DAAM1: variants seen among roughly 807,000 people sequenced by gnomAD.
DAAM1 encodes disheveled-associated activator of morphogenesis 1.
Under a neutral mutation model 130.0 loss-of-function variants are expected in DAAM1, and 52 were observed. That is an observed-to-expected ratio of 0.40 (90% confidence interval 0.32 to 0.50). The LOEUF is 0.50. DAAM1 is among the 20% of genes least tolerant of loss of function. The pLI is 0.61. For synonymous variants in DAAM1, 452 were observed against 444.5 expected, an observed-to-expected ratio of 1.02 and a Z score of -0.21; for missense variants, 1,134 against 1,303.8, an observed-to-expected ratio of 0.87 and a Z score of 2.01.
Position 59,369,053 on chromosome 14 carries a change from G to A in DAAM1, c.*194G>A. 7.0e-6 allele frequency: 4 copies of A among 568,524 alleles called. No homozygotes were observed. The highest frequency in any genetic ancestry group is 1.2e-5 in the Non-Finnish European group (4 of 324,488). 35.2% of individuals were successfully genotyped at this position (568,524 alleles called of 1,614,324 possible). A position where few individuals can be genotyped will look rare whatever the true frequency, so the allele number is the denominator to read the frequency against. Reference sequence around the variant, plus strand: ...TATATAGATGTCTGAGTGTTGTCTGGAGACCTATACGTATGGTTAAAAAGA... The same window carrying A: ...TATATAGATGTCTGAGTGTTGTCTGAAGACCTATACGTATGGTTAAAAAGA... On this transcript the variant is annotated 3_prime_UTR_variant, in exon 25 of 25. Coordinates refer to ENST00000360909, the MANE Select transcript of DAAM1 (RefSeq NM_001270520.2).
intron 21 of DAAM1, among the ~76,000 whole-genome samples, chr14:59,360,251 C>T (rs1263829575): frequency 6.6e-6 from 1 of 152,044 alleles, no homozygotes; most frequent in African/African-American, 2.4e-5. Context: ...ATGGGAGAAG[C>T]CCAAGAACCT....
chr14:59,353,971 T>A lies in DAAM1; in HGVS notation c.2356+7T>A, dbSNP rs1359404962. 6.2e-7 allele frequency: 1 copy of A among 1,612,764 alleles called. No homozygotes were observed. The highest frequency in any genetic ancestry group is 1.7e-5 in the Admixed American group (1 of 59,996). ...GTGAAACCTAAAGTGGAAGGTAAAG[T>A]CAAGCTGTCTAGATTGGAAATGATG... On this transcript the variant is annotated splice_region_variant and intron_variant, in intron 19 of 24. Coordinates refer to ENST00000360909, the MANE Select transcript of DAAM1 (RefSeq NM_001270520.2).
intron 16 of DAAM1, among the ~76,000 whole-genome samples, chr14:59,346,940 A>G (rs574753220): frequency 6.6e-6 from 1 of 152,332 alleles, no homozygotes; most frequent in East Asian, 1.9e-4. Flanking sequence ...TTAGCAATCA[A>G]GAGTCGTGGG....
chr14:59,282,206 C>G (rs897655456), intron 2 of DAAM1, among the ~76,000 whole-genome samples: 1 of 152,068 alleles, frequency 6.6e-6, no homozygotes, highest in Non-Finnish European at 1.5e-5. Flanking sequence ...CCGTAAAAAA[C>G]CCTCATTGCT....
chr14:59,366,024 TTGTTACTGTATACATATATTTTTA>T (rs755174442), intron 23 of DAAM1, among the ~76,000 whole-genome samples: 1 of 151,794 alleles, frequency 6.6e-6, no homozygotes, highest in Non-Finnish European at 1.5e-5. Context: ...GGATATACTA[TTGTTACTGTATACATATATTTTTA>T]TTTAACTTTA....
chr14:59,204,043 C>G (rs1888190084), intron 1 of DAAM1, among the ~76,000 whole-genome samples: 1 of 152,236 alleles, frequency 6.6e-6, no homozygotes, highest in African/African-American at 2.4e-5. Context: ...GATCATAAAC[C>G]CATGTGCAAA....
Position 59,291,261 on chromosome 14 carries a change from A to G in DAAM1, c.228A>G (p.Ala76=). The G allele has an allele frequency of 6.2e-7, 1 of 1,612,068 alleles. No individual in the cohort carries two copies. The highest frequency in any genetic ancestry group is 8.5e-7 in the Non-Finnish European group (1 of 1,179,494). Residue 76 remains alanine (A), a synonymous_variant, in exon 3 of 25, where the codon GCA becomes GCG. Coordinates refer to ENST00000360909, the MANE Select transcript of DAAM1 (RefSeq NM_001270520.2). ...ACAAACACAGAGAAGCCATGTTTGC[A>G]CTTCCAGCTGAGAAAAAATGGCAAA... ...LTDKHREAMF[A]LPAEKKWQIY...
At chr14:59,262,578 A>G (rs1442139403) in intron 1 of DAAM1, among the ~76,000 whole-genome samples, 1 of 152,080 alleles carries the variant, frequency 6.6e-6, no homozygotes, top group Middle Eastern at 3.2e-3. Context: ...GTACTCCTAT[A>G]GCATTTTCAA....
chr14:59,203,140 C>T (rs894076469), intron 1 of DAAM1, among the ~76,000 whole-genome samples: 2 of 150,646 alleles, frequency 1.3e-5, no homozygotes, highest in Non-Finnish European at 3.0e-5. Flanking sequence ...TACAGGCACC[C>T]GCCACCACTT....
chr14:59,268,441 AT>A (rs772795643), intron 2 of DAAM1, among the ~76,000 whole-genome samples: 25 of 152,194 alleles, frequency 1.6e-4, no homozygotes, highest in Non-Finnish European at 2.6e-4. Flanking sequence ...TGACTGCACC[AT>A]TTTACATCTC....
At chr14:59,324,519 A>T in intron 8 of DAAM1, 65 bp downstream of exon 8, 5 of 1,053,502 alleles carry the variant, frequency 4.7e-6, no homozygotes, top group Admixed American at 2.5e-5. Flanking sequence ...GCAATACCTC[A>T]TCAAGTGCTG....
chr14:59,309,196 G>C (rs951735709), intron 3 of DAAM1, among the ~76,000 whole-genome samples: 3 of 152,184 alleles, frequency 2.0e-5, no homozygotes, highest in African/African-American at 7.2e-5. Flanking sequence ...CAAAAAGGAA[G>C]AGCCAGATGG....
intron 16 of DAAM1, among the ~76,000 whole-genome samples, chr14:59,344,502 T>A (rs1885990492): frequency 6.6e-6 from 1 of 152,212 alleles, no homozygotes; most frequent in African/African-American, 2.4e-5. Context: ...ATTCTGTGGA[T>A]GACAGATGAT....
intron 3 of DAAM1, chr14:59,299,670 G>A (rs980445477): frequency 1.3e-5 from 2 of 152,138 alleles, no homozygotes; most frequent in Admixed American, 6.6e-5. Context: ...TTATAGATAA[G>A]GGAAGAGACT....
chr14:59,241,914 TCCTC>T (rs1157772904), intron 1 of DAAM1, among the ~76,000 whole-genome samples: 1 of 152,174 alleles, frequency 6.6e-6, no homozygotes, highest in Non-Finnish European at 1.5e-5. Flanking sequence ...TTCCCCCTCT[TCCTC>T]AAAATTTGTT....
chr14:59,282,584 C>T (rs1161198103), intron 2 of DAAM1, among the ~76,000 whole-genome samples: 1 of 152,088 alleles, frequency 6.6e-6, no homozygotes, highest in African/African-American at 2.4e-5. Context: ...ATTTTGCCTA[C>T]CTGTGTTGAC....
chr14:59,218,470 C>G (rs1888662315), intron 1 of DAAM1, among the ~76,000 whole-genome samples: 1 of 152,172 alleles, frequency 6.6e-6, no homozygotes, highest in Non-Finnish European at 1.5e-5. Flanking sequence ...GCTGTGATTT[C>G]ATTTGTTTCT....
At chr14:59,344,109 C>T (rs543433326) in intron 16 of DAAM1, among the ~76,000 whole-genome samples, 2 of 152,246 alleles carry the variant, frequency 1.3e-5, no homozygotes, top group South Asian at 2.1e-4. Flanking sequence ...AAAATGAACC[C>T]ACCTGAAACA....
intron 22 of DAAM1, 49 bp downstream of exon 22, chr14:59,360,911 C>T: frequency 6.4e-7 from 1 of 1,559,570 alleles, no homozygotes. Context: ...TTCACTATCT[C>T]TAGTGCTGGT....
Sources: gnomAD v4.1 joint callset for allele counts (sites outside exome capture counted in the v4.1 genomes callset) on GRCh38, gnomAD v4.1.1 for gene constraint, MANE v1.5 for transcripts, NCBI Gene and HGNC (gene_info 2026-07-23, HGNC 2026-07-21) for gene names.